The following RAB3C variants were observed in gnomAD, a reference collection of about 807,000 sequenced individuals.
RAB3C encodes the protein ras-related protein Rab-3C.
A neutral mutation model predicts 26.4 loss-of-function variants in RAB3C; 17 were observed. The ratio of observed to expected loss-of-function variants is 0.64; its 90% CI spans 0.44 to 0.97. The LOEUF (loss-of-function observed/expected upper bound fraction) is 0.97, where lower values mean the gene tolerates loss of function less well. Ranked by LOEUF, RAB3C falls within the 50% of genes least tolerant of loss-of-function variation. RAB3C has a pLI of 0.00. For missense variants in RAB3C, 242 were observed against 281.9 expected (o/e 0.86, Z 1.01); for synonymous variants, 91 against 95.9 (o/e 0.95, Z 0.30).
At chr5:58,726,628 C>T (rs1277868955) in intron 3 of RAB3C, among the ~76,000 whole-genome samples, 1 of 152,026 alleles carries the variant, frequency 6.6e-6, no homozygotes, top group East Asian at 1.9e-4. Context: ...TATTTTCGAT[C>T]TGTCCATTTA....
chr5:58,711,335 A>G (rs1457885282), intron 2 of RAB3C, among the ~76,000 whole-genome samples: 2 of 152,154 alleles, frequency 1.3e-5, no homozygotes, highest in Admixed American at 6.6e-5. Context: ...CATGATCAAT[A>G]ATGATGATGC....
At chr5:58,713,157 G>T (rs1749097483) in intron 2 of RAB3C, among the ~76,000 whole-genome samples, 2 of 152,138 alleles carry the variant, frequency 1.3e-5, no homozygotes, top group African/African-American at 4.8e-5. Context: ...GGTACAGATG[G>T]TGATGGAGGT....
intron 2 of RAB3C, among the ~76,000 whole-genome samples, chr5:58,659,185 C>T (rs151215437): frequency 2.0e-5 from 3 of 152,324 alleles, no homozygotes; most frequent in East Asian, 1.9e-4. Context: ...GAGATATATA[C>T]ATATGCCCAT....
intron 1 of RAB3C, among the ~76,000 whole-genome samples, chr5:58,610,385 C>T (rs1746673339): frequency 6.6e-6 from 1 of 152,018 alleles, no homozygotes; most frequent in South Asian, 2.1e-4. Flanking sequence ...CCAGTTGCTC[C>T]ACATCCTTGC....
intron 4 of RAB3C, among the ~76,000 whole-genome samples, chr5:58,850,384 T>C (rs1231279931): frequency 6.6e-6 from 1 of 152,152 alleles, no homozygotes; most frequent in African/African-American, 2.4e-5. Context: ...AGCTGATAGG[T>C]GCAGAGGTAT....
chr5:58,682,689 G>GA (rs1284412423), intron 2 of RAB3C, among the ~76,000 whole-genome samples: 2,335 of 78,216 alleles, frequency 0.03, 58 homozygotes, highest in African/African-American at 0.11. Context: ...GTCTCAAAAA[G>GA]AAAAAAGAAA....
At chr5:58,658,416 AGGAAAGGATTGTG>A (rs896026830) in intron 2 of RAB3C, among the ~76,000 whole-genome samples, 2 of 152,240 alleles carry the variant, frequency 1.3e-5, no homozygotes, top group East Asian at 1.9e-4. Flanking sequence ...ATCTGCAAAC[AGGAAAGGATTGTG>A]GGAAAGGATT....
At chr5:58,792,528 G>GATGGTTGGT (rs1742551146) in intron 3 of RAB3C, among the ~76,000 whole-genome samples, 1 of 152,104 alleles carries the variant, frequency 6.6e-6, no homozygotes, top group African/African-American at 2.4e-5. Flanking sequence ...GACTAGTACA[G>GATGGTTGGT]TGCAGTGGAA....
At chr5:58,590,052 C>T (rs144073608) in intron 1 of RAB3C, among the ~76,000 whole-genome samples, 1 of 152,310 alleles carries the variant, frequency 6.6e-6, no homozygotes, top group East Asian at 1.9e-4. Context: ...TTGATTTTAG[C>T]TGGGTGGACC....
At position 58,856,626 on chromosome 5, in the gene RAB3C, G is replaced by A. The variant is rs564335087; in HGVS notation, c.*5275G>A. Reference sequence around the variant, plus strand: ...TTAATATTTCCTTCATCGTGGACAAGTGAGAGTTGGCTGTGGCTTTATTTC... The same window carrying A: ...TTAATATTTCCTTCATCGTGGACAAATGAGAGTTGGCTGTGGCTTTATTTC... On this transcript the variant is annotated 3_prime_UTR_variant, in exon 5 of 5. Coordinates refer to ENST00000282878, the MANE Select transcript of RAB3C (RefSeq NM_138453.4). The A allele has an allele frequency of 1.2e-3, 184 of 152,300 alleles. No homozygotes were observed. The highest frequency in any genetic ancestry group is 4.2e-3 in the African/African-American group (176 of 41,560). The allele number at this position is 152,300 out of a possible 1,614,324, so 9.4% of individuals were successfully genotyped here. A position where few individuals can be genotyped will look rare whatever the true frequency, so the allele number is the denominator to read the frequency against.
intron 3 of RAB3C, among the ~76,000 whole-genome samples, chr5:58,750,601 A>G (rs2111961382): frequency 6.6e-6 from 1 of 152,328 alleles, no homozygotes; most frequent in East Asian, 1.9e-4. Context: ...ATAGAAGAAA[A>G]GAAATTAGGT....
At chr5:58,719,817 T>C (rs1361011492) in intron 2 of RAB3C, among the ~76,000 whole-genome samples, 2 of 151,906 alleles carry the variant, frequency 1.3e-5, no homozygotes, top group Admixed American at 1.3e-4. Flanking sequence ...ACCTACCTAC[T>C]GGGTACAGGG....
At chr5:58,834,506 T>C (rs2112071517) in intron 4 of RAB3C, among the ~76,000 whole-genome samples, 1 of 152,332 alleles carries the variant, frequency 6.6e-6, no homozygotes, top group Admixed American at 6.5e-5. Context: ...GTTCCAAATA[T>C]GCATTAGCTC....
chr5:58,671,551 T>C (rs1345904813), intron 2 of RAB3C, among the ~76,000 whole-genome samples: 1 of 152,170 alleles, frequency 6.6e-6, no homozygotes, highest in Non-Finnish European at 1.5e-5. Flanking sequence ...AAAAAAAAAT[T>C]GTGCCCCTAA....
intron 3 of RAB3C, among the ~76,000 whole-genome samples, chr5:58,802,810 T>C (rs1742840716): frequency 6.6e-6 from 1 of 152,168 alleles, no homozygotes. Flanking sequence ...ACACAAGACA[T>C]TGCCTTCTAT....
At chr5:58,627,472 A>G (rs1202305105) in intron 2 of RAB3C, among the ~76,000 whole-genome samples, 1 of 3,942 alleles carries the variant, frequency 2.5e-4, no homozygotes, top group Non-Finnish European at 3.7e-4. Flanking sequence ...ACTCCGTCTT[A>G]AAAAAAAAAA....
At chr5:58,744,169 C>T (rs1741341483) in intron 3 of RAB3C, among the ~76,000 whole-genome samples, 1 of 152,188 alleles carries the variant, frequency 6.6e-6, no homozygotes, top group African/African-American at 2.4e-5. Flanking sequence ...GAACCAGCTG[C>T]TTTCTGAGGC....
At chr5:58,628,132 G>A (rs992292894) in intron 2 of RAB3C, among the ~76,000 whole-genome samples, 6 of 140,774 alleles carry the variant, frequency 4.3e-5, no homozygotes, top group Non-Finnish European at 4.5e-5. Flanking sequence ...ACTCCAGCCT[G>A]GGCGACAAGG....
At position 58,859,125 on chromosome 5, in the gene RAB3C, C is replaced by A. The variant is rs749091267; in HGVS notation, c.*7774C>A. On this transcript the variant is annotated 3_prime_UTR_variant, in exon 5 of 5. Coordinates refer to ENST00000282878, the MANE Select transcript of RAB3C (RefSeq NM_138453.4). Reference sequence around the variant, plus strand: ...ACAGCTTAATGCTTTCATATAGTGACCGACATTTAGTTGAAAACTACTGCT... The same window carrying A: ...ACAGCTTAATGCTTTCATATAGTGAACGACATTTAGTTGAAAACTACTGCT... 1 of 152,174 alleles carries A rather than the reference C, an allele frequency of 6.6e-6. No individual in the cohort carries two copies. The highest frequency in any genetic ancestry group is 1.5e-5 in the Non-Finnish European group (1 of 68,026). The allele number at this position is 152,174 out of a possible 1,614,324, so 9.4% of individuals were successfully genotyped here. A position where few individuals can be genotyped will look rare whatever the true frequency, so the allele number is the denominator to read the frequency against.
Sources: allele counts gnomAD v4.1 joint callset (sites outside exome capture counted in the v4.1 genomes callset), GRCh38; gene constraint gnomAD v4.1.1; transcripts MANE v1.5; gene names NCBI Gene and HGNC (gene_info 2026-07-23, HGNC 2026-07-21).